Variants in TMTC2 observed in about 807,000 individuals in gnomAD.
TMTC2 encodes the protein transmembrane O-mannosyltransferase targeting cadherins 2.
Under a neutral mutation model 82.4 loss-of-function variants are expected in TMTC2, and 43 were observed. The observed-to-expected ratio is 0.52, with a 90% CI of 0.41 to 0.67. TMTC2 has a LOEUF of 0.67. Ranked by LOEUF, TMTC2 falls within the 30% of genes least tolerant of loss-of-function variation. The pLI, the probability that TMTC2 is intolerant of heterozygous loss-of-function variation, is 0.00. For synonymous variants in TMTC2, 408 were observed against 381.9 expected (o/e 1.07, Z -0.80); for missense variants, 919 against 1,012.4 (o/e 0.91, Z 1.25).
In TMTC2 at chr12:82,884,292, C is replaced by A. The variant is rs142407847; in HGVS notation, c.655-11526C>A. Reference sequence around the variant, plus strand: ...GGTTTAGAGGCATCCTTTCTTGATACTTGCTTCCCATTTAGGGGTTTCTAA... The same window carrying A: ...GGTTTAGAGGCATCCTTTCTTGATAATTGCTTCCCATTTAGGGGTTTCTAA... On this transcript the variant is annotated intron_variant, in intron 2 of 11. Transcript: ENST00000321196. 7.2e-5 allele frequency among the ~76,000 whole-genome samples: 11 copies of A among 152,304 alleles called. No homozygotes were observed. The East Asian group carries it at 1.9e-3, about 27-fold the overall frequency.
chr12:82,694,652 GC>G (rs1490242886), intron 1 of TMTC2, among the ~76,000 whole-genome samples: 1 of 152,112 alleles, frequency 6.6e-6, no homozygotes, highest in Non-Finnish European at 1.5e-5. Context: ...ACACATTAGT[GC>G]CCTTGGAATA....
At chr12:82,770,464 G>A (rs1405901416) in intron 1 of TMTC2, among the ~76,000 whole-genome samples, 1 of 151,992 alleles carries the variant, frequency 6.6e-6, no homozygotes. Context: ...TTCTTAGATA[G>A]AATTTAGTAT....
At chr12:83,057,474 T>G (rs944000065) in intron 10 of TMTC2, among the ~76,000 whole-genome samples, 1 of 152,008 alleles carries the variant, frequency 6.6e-6, no homozygotes, top group Non-Finnish European at 1.5e-5. Flanking sequence ...AAGGATCTTT[T>G]CTGCTCCATT....
intron 2 of TMTC2, among the ~76,000 whole-genome samples, chr12:82,887,559 A>T (rs1361104811): frequency 6.6e-6 from 1 of 152,198 alleles, no homozygotes; most frequent in Non-Finnish European, 1.5e-5. Flanking sequence ...CTATAGTTAT[A>T]TACTTTCATT....
rs187622253 is a variant in TMTC2 at position 82,841,678 on chromosome 12, C to A, written c.84-15332C>A. On this transcript the variant is annotated intron_variant, in intron 1 of 11. Coordinates refer to ENST00000321196, the MANE Select transcript of TMTC2 (RefSeq NM_152588.3). ...TGTGTTGCTACAATATGTTCAAAGT[C>A]TGATCTTTCTCAGATGTATGTGTGT... Among the ~76,000 whole-genome samples, 142 of 152,282 alleles carry A rather than the reference C, an allele frequency of 9.3e-4. 1 individual carries two copies. Among genetic ancestry groups the A allele is most frequent in the Non-Finnish European group, 9.4e-4 (64 of 68,032 alleles).
rs1872385857 is a variant in TMTC2 at position 82,687,639 on chromosome 12, C to A, written c.53C>A (p.Thr18Asn). 1 of 1,604,860 alleles carries A rather than the reference C, an allele frequency of 6.2e-7. No homozygotes were observed. Among genetic ancestry groups the A allele is most frequent in the Non-Finnish European group, 8.5e-7 (1 of 1,176,986 alleles). Reference sequence around the variant, plus strand: ...CTGGGGCTCGCCTTGTATCTCAACACCCTGAGTGCGGATTTCTGCTATGAT... The same window carrying A: ...CTGGGGCTCGCCTTGTATCTCAACAACCTGAGTGCGGATTTCTGCTATGAT... ...SALGLALYLN[T>N]LSADFCYDDS... The change falls in exon 1 of 12, where the codon ACC (threonine) becomes AAC (asparagine). Residue 18 changes from threonine (T) to asparagine (N), a missense_variant. By Grantham distance (65) the Thr-to-Asn change is moderately conservative. Coordinates refer to ENST00000321196, the MANE Select transcript of TMTC2 (RefSeq NM_152588.3).
At chr12:83,003,707 G>T (rs892314866) in intron 8 of TMTC2, among the ~76,000 whole-genome samples, 5 of 152,060 alleles carry the variant, frequency 3.3e-5, no homozygotes, top group Non-Finnish European at 5.9e-5. Flanking sequence ...TTCTTGGTTG[G>T]AATTTCATTT....
At chr12:82,699,681 A>C (rs1181203269) in intron 1 of TMTC2, among the ~76,000 whole-genome samples, 3 of 152,214 alleles carry the variant, frequency 2.0e-5, no homozygotes, top group Non-Finnish European at 4.4e-5. Flanking sequence ...GGCAACGTGT[A>C]ATAAATTAGC....
intron 2 of TMTC2, among the ~76,000 whole-genome samples, chr12:82,859,215 A>C (rs1187423962): frequency 1.3e-5 from 2 of 151,950 alleles, no homozygotes; most frequent in African/African-American, 2.4e-5. Context: ...CTACAGGCAC[A>C]TGCCACCATG....
intron 1 of TMTC2, among the ~76,000 whole-genome samples, chr12:82,781,334 T>G (rs1877891627): frequency 1.3e-5 from 2 of 151,754 alleles, no homozygotes; most frequent in African/African-American, 4.8e-5. Flanking sequence ...CCAACAGTCC[T>G]GTAGTACATT....
chr12:82,753,365 T>G (rs1005372890), intron 1 of TMTC2, among the ~76,000 whole-genome samples: 2 of 152,034 alleles, frequency 1.3e-5, no homozygotes, highest in African/African-American at 4.8e-5. Context: ...TCTGGTTTTT[T>G]AGCAAAAGAG....
chr12:82,823,189 T>G (rs1869215375), intron 1 of TMTC2, among the ~76,000 whole-genome samples: 1 of 152,218 alleles, frequency 6.6e-6, no homozygotes, highest in Admixed American at 6.5e-5. Context: ...ATTTCATAAG[T>G]CAGTGGGAAA....
chr12:82,878,349 C>T (rs1233651928), intron 2 of TMTC2, among the ~76,000 whole-genome samples: 2 of 152,148 alleles, frequency 1.3e-5, no homozygotes, highest in East Asian at 1.9e-4. Context: ...TTGACCTTTA[C>T]AGTAGTTGAT....
intron 1 of TMTC2, among the ~76,000 whole-genome samples, chr12:82,795,293 CAGAG>C (rs1219808848): frequency 2.5e-5 from 3 of 120,652 alleles, no homozygotes; most frequent in African/African-American, 9.6e-5. Flanking sequence ...GCCTGGGCAA[CAGAG>C]AGAGATTCCA....
intron 11 of TMTC2, among the ~76,000 whole-genome samples, chr12:83,100,214 C>T (rs1276942530): frequency 1.3e-5 from 2 of 152,082 alleles, no homozygotes; most frequent in African/African-American, 2.4e-5. Context: ...GCCATCACTC[C>T]GGGCCTTCTC....
chr12:82,983,159 A>G (rs1443361748), intron 7 of TMTC2, among the ~76,000 whole-genome samples: 2 of 152,020 alleles, frequency 1.3e-5, no homozygotes, highest in Non-Finnish European at 2.9e-5. Flanking sequence ...GTCACCTGTA[A>G]CTTGTTACTG....
At chr12:82,834,643 T>G (rs755109005) in intron 1 of TMTC2, among the ~76,000 whole-genome samples, 4 of 152,240 alleles carry the variant, frequency 2.6e-5, no homozygotes, top group Admixed American at 6.5e-5. Flanking sequence ...TCTCCTTCAG[T>G]AATTCTCAAA....
At chr12:82,721,715 T>G (rs1029449662) in intron 1 of TMTC2, among the ~76,000 whole-genome samples, 3 of 152,218 alleles carry the variant, frequency 2.0e-5, no homozygotes, top group Admixed American at 2.0e-4. Flanking sequence ...GCACGCTATT[T>G]AAATATTTAT....
At chr12:82,753,834 T>C (rs994764820) in intron 1 of TMTC2, among the ~76,000 whole-genome samples, 4 of 152,228 alleles carry the variant, frequency 2.6e-5, no homozygotes, top group Non-Finnish European at 1.5e-5. Context: ...TTGTGTCTTA[T>C]GGTGATGAAA....
Sources: gnomAD v4.1 joint callset for allele counts (sites outside exome capture counted in the v4.1 genomes callset) on GRCh38, gnomAD v4.1.1 for gene constraint, MANE v1.5 for transcripts, NCBI Gene and HGNC (gene_info 2026-07-23, HGNC 2026-07-21) for gene names.